Variants in GALNTL6 observed in about 807,000 individuals in gnomAD.
GALNTL6 encodes the protein polypeptide N-acetylgalactosaminyltransferase-like 6.
In GALNTL6, 46 loss-of-function variants were observed where a neutral mutation model predicts 73.7. The observed-to-expected ratio is 0.62, with a 90% CI of 0.49 to 0.80. The LOEUF is 0.80. Ranked by LOEUF, GALNTL6 falls within the 30% of genes least tolerant of loss-of-function variation. The pLI is 0.00. For missense variants in GALNTL6, 604 were observed against 755.0 expected, an observed-to-expected ratio of 0.80 and a Z score of 2.34; for synonymous variants, 259 against 263.7, an observed-to-expected ratio of 0.98 and a Z score of 0.17.
chr4:172,223,254 T>G (rs189670393), intron 2 of GALNTL6, among the ~76,000 whole-genome samples: 129 of 152,174 alleles, frequency 8.5e-4, no homozygotes, highest in Middle Eastern at 3.4e-3. Flanking sequence ...GAGAATTTAT[T>G]CAGAATGTAA....
chr4:172,883,926 A>G (rs1224451343), intron 8 of GALNTL6, among the ~76,000 whole-genome samples: 2 of 152,072 alleles, frequency 1.3e-5, no homozygotes, highest in African/African-American at 4.8e-5. Flanking sequence ...TAAAATAATG[A>G]CCTTCAGTTC....
chr4:172,924,224 T>C (rs1747933441), intron 8 of GALNTL6, among the ~76,000 whole-genome samples: 1 of 152,122 alleles, frequency 6.6e-6, no homozygotes, highest in African/African-American at 2.4e-5. Context: ...CCTGTCCCTT[T>C]AAATAAACTC....
intron 7 of GALNTL6, among the ~76,000 whole-genome samples, chr4:172,839,054 A>G (rs1263129242): frequency 8.5e-5 from 13 of 152,238 alleles, no homozygotes; most frequent in Non-Finnish European, 7.3e-5. Flanking sequence ...CCAGGTTGTC[A>G]TAACAGCCAG....
intron 5 of GALNTL6, among the ~76,000 whole-genome samples, chr4:172,474,872 A>G (rs1043530954): frequency 6.6e-6 from 1 of 152,196 alleles, no homozygotes; most frequent in African/African-American, 2.4e-5. Flanking sequence ...TCATAGCACA[A>G]TCAATACTGA....
chr4:171,962,918 C>A (rs2111050103), intron 2 of GALNTL6, among the ~76,000 whole-genome samples: 1 of 151,798 alleles, frequency 6.6e-6, no homozygotes, highest in African/African-American at 2.4e-5. Context: ...TAGGTGTGCA[C>A]CACCATGCCC....
At position 172,538,462 on chromosome 4, in the gene GALNTL6, AAAAACAAAAC is replaced by A. The variant is rs530666450; in HGVS notation, c.553+189788_553+189797del. ...GTGACAGAGTGAGACTCCATCTCAA[AAAAACAAAAC>A]AAAACAAAACAAAAAAATAGATTTC... is the stretch of plus-strand genomic sequence containing the variant. On this transcript the variant is annotated intron_variant, in intron 5 of 12. Transcript: ENST00000506823. Among the ~76,000 whole-genome samples, 522 of 152,250 alleles carry A rather than the reference AAAAACAAAAC, an allele frequency of 3.4e-3. 1 individual carries two copies. The highest frequency in any genetic ancestry group is 6.0e-3 in the Non-Finnish European group (410 of 68,014).
At chr4:172,558,551 C>T (rs767012993) in intron 5 of GALNTL6, among the ~76,000 whole-genome samples, 5 of 152,066 alleles carry the variant, frequency 3.3e-5, no homozygotes, top group Admixed American at 1.3e-4. Flanking sequence ...TGTAAGCCAG[C>T]GAGAGAGACC....
At chr4:172,275,125 C>G (rs1310672339) in intron 3 of GALNTL6, among the ~76,000 whole-genome samples, 1 of 152,134 alleles carries the variant, frequency 6.6e-6, no homozygotes, top group African/African-American at 2.4e-5. Context: ...TTTCTGCATT[C>G]CTTTTTTCTC....
intron 5 of GALNTL6, among the ~76,000 whole-genome samples, chr4:172,560,531 T>A (rs1736315772): frequency 6.6e-6 from 1 of 152,052 alleles, no homozygotes; most frequent in African/African-American, 2.4e-5. Context: ...TGCAGAAGGT[T>A]GTGGGTTGGA....
At chr4:172,220,521 C>T (rs976141254) in intron 2 of GALNTL6, among the ~76,000 whole-genome samples, 9 of 151,778 alleles carry the variant, frequency 5.9e-5, no homozygotes, top group African/African-American at 2.2e-4. Flanking sequence ...ACATATCTGA[C>T]TTACCAATCA....
chr4:172,812,116 G>A (rs111869611), intron 6 of GALNTL6, among the ~76,000 whole-genome samples: 39 of 152,214 alleles, frequency 2.6e-4, no homozygotes, highest in African/African-American at 8.9e-4. Flanking sequence ...ACCGAGAGGG[G>A]AAAGTTTTCA....
At chr4:172,673,911 G>T (rs191589238) in intron 5 of GALNTL6, among the ~76,000 whole-genome samples, 1 of 152,104 alleles carries the variant, frequency 6.6e-6, no homozygotes, top group African/African-American at 2.4e-5. Flanking sequence ...AATGGGTCTT[G>T]GTTCTTTAGC....
chr4:171,918,273 TAA>T (rs1211190187), intron 2 of GALNTL6, among the ~76,000 whole-genome samples: 1 of 152,106 alleles, frequency 6.6e-6, no homozygotes, highest in Non-Finnish European at 1.5e-5. Flanking sequence ...CGTTAAGATA[TAA>T]GTCTGACATG....
At chr4:172,993,312 G>A (rs1439753832) in intron 10 of GALNTL6, among the ~76,000 whole-genome samples, 2 of 152,236 alleles carry the variant, frequency 1.3e-5, no homozygotes, top group African/African-American at 4.8e-5. Context: ...GCCTAGGAAA[G>A]AGGCCTCATA....
rs141208918 is a variant in GALNTL6, at chr4:172,258,962, T to C, written c.247+29198T>C. 9.2e-4 allele frequency among the ~76,000 whole-genome samples: 139 copies of C among 151,542 alleles called. 2 individuals carry two copies. The highest frequency in any genetic ancestry group is 3.3e-3 in the African/African-American group (136 of 41,496). On this transcript the variant is annotated intron_variant, in intron 3 of 12. Coordinates refer to ENST00000506823, the MANE Select transcript of GALNTL6 (RefSeq NM_001034845.3). Reference sequence around the variant, plus strand: ...TATGACTGAATAGTATTCCATCATATATATATGCCACATATTCTTTATCTA... The same window carrying C: ...TATGACTGAATAGTATTCCATCATACATATATGCCACATATTCTTTATCTA...
At chr4:172,891,817 G>T (rs1746047154) in intron 8 of GALNTL6, among the ~76,000 whole-genome samples, 1 of 152,066 alleles carries the variant, frequency 6.6e-6, no homozygotes, top group African/African-American at 2.4e-5. Context: ...CATATTTATT[G>T]CTGGTTTTGT....
At chr4:172,612,075 T>C (rs1375212782) in intron 5 of GALNTL6, among the ~76,000 whole-genome samples, 1 of 152,038 alleles carries the variant, frequency 6.6e-6, no homozygotes, top group Non-Finnish European at 1.5e-5. Context: ...AGGTATAGGA[T>C]AAATCATAAA....
At chr4:172,457,781 T>C (rs1476286924) in intron 5 of GALNTL6, among the ~76,000 whole-genome samples, 1 of 152,196 alleles carries the variant, frequency 6.6e-6, no homozygotes, top group African/African-American at 2.4e-5. Flanking sequence ...AACACCCCAC[T>C]GTCAATATTA....
intron 5 of GALNTL6, among the ~76,000 whole-genome samples, chr4:172,418,501 C>G (rs1475388135): frequency 6.6e-6 from 1 of 152,126 alleles, no homozygotes; most frequent in Non-Finnish European, 1.5e-5. Context: ...GATCTGAACC[C>G]ATCCTATAGT....
Sources: gnomAD v4.1 joint callset for allele counts (sites outside exome capture counted in the v4.1 genomes callset) on GRCh38, gnomAD v4.1.1 for gene constraint, MANE v1.5 for transcripts, NCBI Gene and HGNC (gene_info 2026-07-23, HGNC 2026-07-21) for gene names.